Variants in BORCS5 observed in about 807,000 individuals in gnomAD.
The protein encoded by BORCS5 is BLOC-1 related complex subunit 5, also known as BLOC-1-related complex subunit 5.
A neutral mutation model predicts 22.1 loss-of-function variants in BORCS5; 17 were observed. The ratio of observed to expected loss-of-function variants is 0.77; its 90% CI spans 0.53 to 1.15. BORCS5 has a LOEUF of 1.15. Among genes scored for constraint, BORCS5 ranks in the 50% most tolerant of loss-of-function variants. The probability of loss-of-function intolerance (pLI) is 0.00; values close to 1 mark genes in which losing one functional copy is unlikely to be tolerated. For synonymous variants in BORCS5, 117 were observed against 99.8 expected (o/e 1.17, Z -1.03); for missense variants, 247 against 253.2 (o/e 0.98, Z 0.17).
chr12:12,415,570 A>AGGGGGAGGGGGG (rs1941922046), intron 2 of BORCS5, among the ~76,000 whole-genome samples: 4 of 13,240 alleles, frequency 3.0e-4, no homozygotes, highest in Admixed American at 9.8e-4. Flanking sequence ...GGGGAGGGGG[A>AGGGGGAGGGGGG]GGGGGAGGGG....
chr12:12,420,607 T>A (rs1942091433), intron 2 of BORCS5, among the ~76,000 whole-genome samples: 1 of 152,234 alleles, frequency 6.6e-6, no homozygotes, highest in Non-Finnish European at 1.5e-5. Context: ...TTAATGGGGA[T>A]GGCATTGAAT....
chr12:12,457,904 C>T (rs1441929005), intron 3 of BORCS5, among the ~76,000 whole-genome samples: 1 of 152,194 alleles, frequency 6.6e-6, no homozygotes, highest in East Asian at 1.9e-4. Flanking sequence ...CCTCAGTGGG[C>T]ATCAGTGTCA....
chr12:12,358,931 C>T (rs751497545), intron 1 of BORCS5, among the ~76,000 whole-genome samples: 21 of 152,170 alleles, frequency 1.4e-4, no homozygotes, highest in Non-Finnish European at 2.4e-4. Context: ...GCCAAGCCTC[C>T]GGAGACGAGC....
At position 12,385,024 on chromosome 12, in the gene BORCS5, AG is replaced by A. The variant is rs148363818; in HGVS notation, c.202+23677del. Among the ~76,000 whole-genome samples the A allele has an allele frequency of 8.4e-3, 1,275 of 151,596 alleles. 52 individuals are homozygous for A. Among genetic ancestry groups the A allele is most frequent in the African/African-American group, 0.029 (1,191 of 41,338 alleles). On this transcript the variant is annotated intron_variant, in intron 2 of 3. Transcript: ENST00000314565. ...GAGGTTGTACTTAACCACCTTGATC[AG>A]GAAGGCTTCTGTCATCTGTAAATGG...
intron 2 of BORCS5, among the ~76,000 whole-genome samples, chr12:12,381,639 T>C (rs1370825933): frequency 6.6e-6 from 1 of 151,548 alleles, no homozygotes. Context: ...TTTTCTCTTG[T>C]ATTACTGCTT....
intron 2 of BORCS5, among the ~76,000 whole-genome samples, chr12:12,413,495 C>G (rs1404201688): frequency 1.3e-5 from 2 of 150,428 alleles, no homozygotes; most frequent in East Asian, 1.9e-4. Flanking sequence ...CACACAGACC[C>G]GGCAACCATC....
chr12:12,452,054 A>T, intron 3 of BORCS5: 1 of 413,206 alleles, frequency 2.4e-6, no homozygotes, highest in Non-Finnish European at 4.7e-6. Flanking sequence ...TGGTAAACTT[A>T]CGTGACTTTC....
chr12:12,374,819 G>A (rs1180461680), intron 2 of BORCS5, among the ~76,000 whole-genome samples: 13 of 151,574 alleles, frequency 8.6e-5, no homozygotes, highest in South Asian at 2.1e-4. Flanking sequence ...TTAACCGGGC[G>A]TGGTGGCGCA....
At chr12:12,417,080 C>A (rs984146721) in intron 2 of BORCS5, among the ~76,000 whole-genome samples, 1 of 152,076 alleles carries the variant, frequency 6.6e-6, no homozygotes, top group African/African-American at 2.4e-5. Flanking sequence ...TGTGAGTCAT[C>A]CTGCCCAGCC....
chr12:12,458,611 C>G (rs1943041542), intron 3 of BORCS5, among the ~76,000 whole-genome samples: 1 of 147,722 alleles, frequency 6.8e-6, no homozygotes, highest in Non-Finnish European at 1.5e-5. Context: ...GACAGTCTCG[C>G]TCCGTCACCC....
intron 2 of BORCS5, among the ~76,000 whole-genome samples, chr12:12,397,304 C>A (rs1565866678): frequency 6.6e-6 from 1 of 152,166 alleles, no homozygotes; most frequent in Non-Finnish European, 1.5e-5. Context: ...AAAATGCCGA[C>A]ATCCTAGAGA....
intron 2 of BORCS5, among the ~76,000 whole-genome samples, chr12:12,407,823 C>A (rs749327619): frequency 6.6e-6 from 1 of 151,878 alleles, no homozygotes; most frequent in Non-Finnish European, 1.5e-5. Context: ...GATCCTCCCG[C>A]CTCAGCCTCC....
intron 3 of BORCS5, among the ~76,000 whole-genome samples, chr12:12,451,483 C>A (rs1009989046): frequency 6.7e-6 from 1 of 148,870 alleles, no homozygotes; most frequent in Non-Finnish European, 1.5e-5. Context: ...ACTGTAGTAG[C>A]CAATACATAG....
chr12:12,370,716 T>C (rs530945500), intron 2 of BORCS5, among the ~76,000 whole-genome samples: 1 of 152,322 alleles, frequency 6.6e-6, no homozygotes, highest in African/African-American at 2.4e-5. Flanking sequence ...TGTTCCAAAA[T>C]TGGCCAGTGA....
chr12:12,421,141 A>G (rs1206568994), intron 2 of BORCS5, among the ~76,000 whole-genome samples: 1 of 152,098 alleles, frequency 6.6e-6, no homozygotes. Context: ...TTTCAAAGGG[A>G]ATGCTTCCAG....
chr12:12,378,928 A>AT (rs1027686990), intron 2 of BORCS5, among the ~76,000 whole-genome samples: 33 of 148,198 alleles, frequency 2.2e-4, no homozygotes, highest in African/African-American at 3.2e-4. Context: ...AATATTTTTA[A>AT]TTTTTTTTGT....
chr12:12,424,536 G>T (rs1942229598), intron 2 of BORCS5, among the ~76,000 whole-genome samples: 1 of 151,048 alleles, frequency 6.6e-6, no homozygotes, highest in African/African-American at 2.4e-5. Flanking sequence ...TTTTTTCAGG[G>T]ACAGTATCTG....
At chr12:12,392,664 G>A (rs1385204681) in intron 2 of BORCS5, among the ~76,000 whole-genome samples, 4 of 152,200 alleles carry the variant, frequency 2.6e-5, no homozygotes, top group Non-Finnish European at 2.9e-5. Flanking sequence ...AATGTGAGAC[G>A]CTGTCTGAAA....
chr12:12,437,002 G>A (rs978375383), intron 3 of BORCS5, among the ~76,000 whole-genome samples: 1 of 152,122 alleles, frequency 6.6e-6, no homozygotes, highest in African/African-American at 2.4e-5. Flanking sequence ...TTTTTTGTTT[G>A]TTTTAATACT....
Sources: allele counts gnomAD v4.1 joint callset (sites outside exome capture counted in the v4.1 genomes callset), GRCh38; gene constraint gnomAD v4.1.1; transcripts MANE v1.5; gene names NCBI Gene and HGNC (gene_info 2026-07-23, HGNC 2026-07-21).